The following THSD7A variants were observed in gnomAD, a reference collection of about 807,000 sequenced individuals.
THSD7A encodes thrombospondin type-1 domain-containing protein 7A.
THSD7A carries 96 observed loss-of-function variants against 231.3 expected under a neutral mutation model. The ratio of observed to expected loss-of-function variants is 0.41; its 90% CI spans 0.35 to 0.49. The LOEUF (loss-of-function observed/expected upper bound fraction) is 0.49, where lower values mean the gene tolerates loss of function less well. Ranked by LOEUF, THSD7A falls within the 20% of genes least tolerant of loss-of-function variation. The pLI, the probability that THSD7A is intolerant of heterozygous loss-of-function variation, is 0.05. For missense variants in THSD7A, 2,290 were observed against 2,070.2 expected (o/e 1.11, Z -2.06); for synonymous variants, 940 against 743.3 (o/e 1.26, Z -4.30).
intron 11 of THSD7A, among the ~76,000 whole-genome samples, chr7:11,460,225 T>C (rs577460048): frequency 6.6e-6 from 1 of 152,286 alleles, no homozygotes; most frequent in Admixed American, 6.5e-5. Context: ...TTCTGAGAAC[T>C]TCTGAAAAAG....
chr7:11,769,209 C>G (rs1202260291), intron 1 of THSD7A, among the ~76,000 whole-genome samples: 1 of 137,322 alleles, frequency 7.3e-6, no homozygotes, highest in African/African-American at 2.7e-5. Flanking sequence ...GTTAGCCAGG[C>G]CGGTCTCAAA....
intron 6 of THSD7A, among the ~76,000 whole-genome samples, chr7:11,507,422 G>A (rs941698545): frequency 1.3e-5 from 2 of 152,042 alleles, no homozygotes; most frequent in Non-Finnish European, 2.9e-5. Context: ...TGGGAAATTT[G>A]TATGCCCGAA....
chr7:11,459,190 C>G (rs951203881), intron 11 of THSD7A, among the ~76,000 whole-genome samples: 6 of 151,858 alleles, frequency 4.0e-5, no homozygotes, highest in African/African-American at 1.5e-4. Context: ...TCATTTGGTC[C>G]AAACCCCTCT....
chr7:11,402,947 T>C (rs1464767477), intron 22 of THSD7A, among the ~76,000 whole-genome samples: 1 of 152,202 alleles, frequency 6.6e-6, no homozygotes. Context: ...AACTTATATA[T>C]GCATTTCTGT....
intron 2 of THSD7A, among the ~76,000 whole-genome samples, chr7:11,628,951 C>T (rs1015135989): frequency 2.6e-5 from 4 of 152,068 alleles, no homozygotes; most frequent in Non-Finnish European, 5.9e-5. Flanking sequence ...TAGCATCTTG[C>T]AGCTATTAAC....
At chr7:11,661,041 A>G (rs1238126027) in intron 1 of THSD7A, among the ~76,000 whole-genome samples, 1 of 151,378 alleles carries the variant, frequency 6.6e-6, no homozygotes, top group African/African-American at 2.4e-5. Context: ...AAGAAGGTGA[A>G]CAAAACTTTT....
In THSD7A at chr7:11,379,103, C is replaced by T; in HGVS notation, c.4768G>A (p.Gly1590Arg). ...AATGGCTGTAGAAACCAGGTCCTTCCCCGTCCTGCTGGGTTACTGGAGGGT... is the reference window on the plus strand; with the variant it reads ...AATGGCTGTAGAAACCAGGTCCTTCTCCGTCCTGCTGGGTTACTGGAGGGT... ...TQPSSNPAGR[G>R]RTWFLQPFGP... The change falls in exon 26 of 28, where the codon GGA becomes AGA. Residue 1590 changes from glycine (G) to arginine (R), a missense_variant. Gly to Arg is a moderately radical substitution (Grantham distance 125). Transcript: ENST00000423059. 6.2e-7 allele frequency: 1 copy of T among 1,613,500 alleles called. No individual in the cohort carries two copies. The highest frequency in any genetic ancestry group is 8.5e-7 in the Non-Finnish European group (1 of 1,179,658).
intron 1 of THSD7A, among the ~76,000 whole-genome samples, chr7:11,718,706 T>C (rs946750371): frequency 6.6e-6 from 1 of 151,580 alleles, no homozygotes; most frequent in Non-Finnish European, 1.5e-5. Flanking sequence ...TGATAAGACA[T>C]AATTATAAAA....
At chr7:11,491,835 T>C (rs1199072573) in intron 6 of THSD7A, among the ~76,000 whole-genome samples, 1 of 152,092 alleles carries the variant, frequency 6.6e-6, no homozygotes, top group African/African-American at 2.4e-5. Context: ...AGCTTATGAG[T>C]TCTAATCTCA....
At chr7:11,830,605 A>T (rs1350109799) in intron 1 of THSD7A, among the ~76,000 whole-genome samples, 3 of 152,336 alleles carry the variant, frequency 2.0e-5, no homozygotes, top group African/African-American at 7.2e-5. Flanking sequence ...CAAATTGTGT[A>T]CTTTGACTTT....
intron 25 of THSD7A, 95 bp downstream of exon 25, chr7:11,379,535 G>T: frequency 8.2e-7 from 1 of 1,224,180 alleles, no homozygotes; most frequent in Non-Finnish European, 1.2e-6. Context: ...TATGCCTCAA[G>T]ACATGCTTTC....
intron 6 of THSD7A, among the ~76,000 whole-genome samples, chr7:11,535,588 CTAATTA>C (rs1788881778): frequency 6.6e-6 from 1 of 151,406 alleles, no homozygotes; most frequent in African/African-American, 2.4e-5. Flanking sequence ...AATATCCAAC[CTAATTA>C]TATTTCAAAC....
intron 1 of THSD7A, among the ~76,000 whole-genome samples, chr7:11,696,553 G>T (rs1404624864): frequency 6.6e-6 from 1 of 151,224 alleles, no homozygotes; most frequent in African/African-American, 2.4e-5. Flanking sequence ...GCCCTGCATG[G>T]ATTAGGTATT....
intron 1 of THSD7A, among the ~76,000 whole-genome samples, chr7:11,774,425 A>G (rs760996836): frequency 1.3e-5 from 2 of 152,060 alleles, no homozygotes; most frequent in Non-Finnish European, 2.9e-5. Flanking sequence ...GCCCATAGTT[A>G]ACAATGTGAT....
At chr7:11,548,627 C>A (rs1358352162) in intron 4 of THSD7A, among the ~76,000 whole-genome samples, 1 of 152,040 alleles carries the variant, frequency 6.6e-6, no homozygotes, top group Non-Finnish European at 1.5e-5. Flanking sequence ...TACAAGCTAA[C>A]CAAATCCAGT....
intron 1 of THSD7A, among the ~76,000 whole-genome samples, chr7:11,653,446 A>ATGTGTG (rs1324087513): frequency 4.3e-5 from 4 of 93,624 alleles, no homozygotes; most frequent in Non-Finnish European, 7.0e-5. Context: ...CCACTCCCAG[A>ATGTGTG]TATGTGTGTG....
At chr7:11,473,795 C>T (rs754618209) in intron 8 of THSD7A, among the ~76,000 whole-genome samples, 3 of 152,082 alleles carry the variant, frequency 2.0e-5, no homozygotes, top group South Asian at 2.1e-4. Flanking sequence ...TAATAACACT[C>T]ATCCTATCCC....
At chr7:11,443,519 C>T (rs1784868786) in intron 13 of THSD7A, among the ~76,000 whole-genome samples, 1 of 151,974 alleles carries the variant, frequency 6.6e-6, no homozygotes, top group East Asian at 1.9e-4. Flanking sequence ...TAATAATCTT[C>T]AACTCAGCAA....
rs986984708 is a variant in THSD7A, at chr7:11,760,520, C to T, written c.190+71237G>A. Among the ~76,000 whole-genome samples, 4 of 151,880 alleles carry T rather than the reference C, an allele frequency of 2.6e-5. No homozygotes were observed. In the East Asian group the frequency reaches 5.8e-4, roughly 22 times the overall value. On this transcript the variant is annotated intron_variant, in intron 1 of 27. Coordinates refer to ENST00000423059, the MANE Select transcript of THSD7A (RefSeq NM_015204.3). ...CAAAGTAACAGCCAACAAATGTAAACGTTGTGAAATCCAATCTTCTTGTTC... is the reference window on the plus strand; with the variant it reads ...CAAAGTAACAGCCAACAAATGTAAATGTTGTGAAATCCAATCTTCTTGTTC...
Sources: allele counts gnomAD v4.1 joint callset (sites outside exome capture counted in the v4.1 genomes callset), GRCh38; gene constraint gnomAD v4.1.1; transcripts MANE v1.5; gene names NCBI Gene and HGNC (gene_info 2026-07-23, HGNC 2026-07-21).